WWOX: variants seen among roughly 807,000 people sequenced by gnomAD.
WWOX encodes WW domain containing oxidoreductase.
WWOX carries 69 observed loss-of-function variants against 46.2 expected under a neutral mutation model. That is an observed-to-expected ratio of 1.49 (90% CI 1.23 to 1.82). The LOEUF (loss-of-function observed/expected upper bound fraction) is 1.82. Ranked by LOEUF, WWOX falls within the 40% of genes most tolerant of loss-of-function variation. WWOX has a pLI of 0.00. For synonymous variants in WWOX, 359 were observed against 202.6 expected, an observed-to-expected ratio of 1.77 and a Z score of -6.56; for missense variants, 919 against 542.6, an observed-to-expected ratio of 1.69 and a Z score of -6.89.
At chr16:78,754,330 C>T (rs1456422435) in intron 8 of WWOX, among the ~76,000 whole-genome samples, 1 of 151,984 alleles carries the variant, frequency 6.6e-6, no homozygotes, top group African/African-American at 2.4e-5. Flanking sequence ...TTCAGACAGC[C>T]TAAGGTCAGT....
At chr16:79,001,820 A>G (rs1214416267) in intron 8 of WWOX, among the ~76,000 whole-genome samples, 1 of 152,132 alleles carries the variant, frequency 6.6e-6, no homozygotes, top group Admixed American at 6.6e-5. Flanking sequence ...TGCTTTAGAG[A>G]GGTGCTTATG....
chr16:78,556,145 G>A (rs28687257), intron 8 of WWOX, among the ~76,000 whole-genome samples: 13,236 of 151,676 alleles, frequency 0.087, 1,075 homozygotes, highest in African/African-American at 0.21. Flanking sequence ...TTTCAAAGAC[G>A]CAAGAGGGTC....
intron 8 of WWOX, among the ~76,000 whole-genome samples, chr16:78,483,701 T>C (rs2084555295): frequency 6.6e-6 from 1 of 152,150 alleles, no homozygotes; most frequent in African/African-American, 2.4e-5. Flanking sequence ...GTGGCCAATC[T>C]CACAAGATAC....
intron 8 of WWOX, among the ~76,000 whole-genome samples, chr16:78,541,188 C>T (rs951262670): frequency 4.6e-5 from 7 of 152,140 alleles, no homozygotes; most frequent in East Asian, 1.9e-4. Context: ...AAAATAGACA[C>T]GTACGGCCGG....
At chr16:78,947,598 G>T (rs1287375933) in intron 8 of WWOX, among the ~76,000 whole-genome samples, 1 of 152,216 alleles carries the variant, frequency 6.6e-6, no homozygotes, top group Non-Finnish European at 1.5e-5. Flanking sequence ...TAAGGCAGGG[G>T]TGTCTGTCCA....
chr16:79,002,374 C>A lies in WWOX; in HGVS notation c.1057-209234C>A, dbSNP rs563593744. 5.3e-5 allele frequency among the ~76,000 whole-genome samples: 8 copies of A among 152,090 alleles called. No individual in the cohort carries two copies. In the South Asian group the frequency reaches 1.7e-3, roughly 32 times the overall value. On this transcript the variant is annotated intron_variant, in intron 8 of 8. Transcript: ENST00000566780. ...GAGTAGCTGGGATAACAGGTGCACA[C>A]CACCATGCCCGGCTAGTTTTTGTAT...
intron 5 of WWOX, among the ~76,000 whole-genome samples, chr16:78,251,630 C>A (rs886433281): frequency 2.6e-5 from 4 of 152,218 alleles, no homozygotes; most frequent in Admixed American, 1.3e-4. Flanking sequence ...TATTTACTTA[C>A]ACCCGAGAAG....
intron 4 of WWOX, among the ~76,000 whole-genome samples, chr16:78,132,335 C>G (rs750108072): frequency 1.2e-4 from 19 of 152,104 alleles, no homozygotes; most frequent in Non-Finnish European, 2.5e-4. Flanking sequence ...CTTGATTTTT[C>G]TTAACCTTTA....
At chr16:78,425,203 C>G in intron 7 of WWOX, 148 bp downstream of exon 7, 2 of 1,065,276 alleles carry the variant, frequency 1.9e-6, no homozygotes, top group South Asian at 1.5e-5. Context: ...TTTTCCAGGT[C>G]TTTTTTGTTC....
At chr16:78,187,950 C>T (rs147533538) in intron 5 of WWOX, among the ~76,000 whole-genome samples, 183 of 152,226 alleles carry the variant, frequency 1.2e-3, no homozygotes, top group African/African-American at 4.3e-3. Context: ...TTTCCATTTC[C>T]ATTAGGTATT....
intron 1 of WWOX, among the ~76,000 whole-genome samples, chr16:78,106,223 C>T (rs866142891): frequency 6.6e-6 from 1 of 152,134 alleles, no homozygotes; most frequent in African/African-American, 2.4e-5. Flanking sequence ...CATCTCTTAA[C>T]TTTCTTGAAG....
At chr16:78,226,786 C>T (rs746266801) in intron 5 of WWOX, among the ~76,000 whole-genome samples, 1 of 152,044 alleles carries the variant, frequency 6.6e-6, no homozygotes, top group African/African-American at 2.4e-5. Context: ...ATAAGTGTGT[C>T]GTACGCAGGA....
intron 8 of WWOX, among the ~76,000 whole-genome samples, chr16:78,933,171 G>A (rs1227153914): frequency 6.6e-6 from 1 of 152,234 alleles, no homozygotes. Flanking sequence ...TGGCGTGGTG[G>A]CTCACGCCTG....
At chr16:78,302,650 A>C (rs889134962) in intron 5 of WWOX, among the ~76,000 whole-genome samples, 1 of 152,168 alleles carries the variant, frequency 6.6e-6, no homozygotes, top group Non-Finnish European at 1.5e-5. Context: ...TGCTGAGTAG[A>C]GGGCATGTGG....
At chr16:78,778,535 G>T (rs1484172300) in intron 8 of WWOX, among the ~76,000 whole-genome samples, 1 of 152,122 alleles carries the variant, frequency 6.6e-6, no homozygotes, top group Non-Finnish European at 1.5e-5. Flanking sequence ...TCACAATTTG[G>T]GTGAGTGTTC....
rs572107678 is a variant in WWOX, at chr16:78,226,759, A to T, written c.516+62470A>T. ...TGCTGTGGTTCCTGCTGATGGGCACACTATTACAGGTGCATGATAAGTGTG... is the reference window on the plus strand; with the variant it reads ...TGCTGTGGTTCCTGCTGATGGGCACTCTATTACAGGTGCATGATAAGTGTG... On this transcript the variant is annotated intron_variant, in intron 5 of 8. Coordinates refer to ENST00000566780, the MANE Select transcript of WWOX (RefSeq NM_016373.4). Among the ~76,000 whole-genome samples, 64 of 152,014 alleles carry T rather than the reference A, an allele frequency of 4.2e-4. 1 individual carries two copies. Among genetic ancestry groups the T allele is most frequent in the Admixed American group, 1.9e-3 (29 of 15,258 alleles).
At chr16:78,281,530 CTG>C (rs2079677756) in intron 5 of WWOX, among the ~76,000 whole-genome samples, 1 of 152,156 alleles carries the variant, frequency 6.6e-6, no homozygotes, top group African/African-American at 2.4e-5. Flanking sequence ...CAAAGTTTCT[CTG>C]TGATGGGATA....
At chr16:78,170,464 G>A (rs907719029) in intron 5 of WWOX, among the ~76,000 whole-genome samples, 1 of 152,222 alleles carries the variant, frequency 6.6e-6, no homozygotes, top group East Asian at 1.9e-4. Flanking sequence ...TTTTCTTCAC[G>A]CATGAAAGTG....
intron 8 of WWOX, among the ~76,000 whole-genome samples, chr16:79,095,882 T>TTTTGGTATTTTTGGTA (rs2049058549): frequency 7.3e-6 from 1 of 137,376 alleles, no homozygotes; most frequent in Non-Finnish European, 1.5e-5. Flanking sequence ...TTTTTTTTTT[T>TTTTGGTATTTTTGGTA]AAGACAGAGT....
Sources: allele counts gnomAD v4.1 joint callset (sites outside exome capture counted in the v4.1 genomes callset), GRCh38; gene constraint gnomAD v4.1.1; transcripts MANE v1.5; gene names NCBI Gene and HGNC (gene_info 2026-07-23, HGNC 2026-07-21).